Variants in BBS9 observed in about 807,000 individuals in gnomAD.
BBS9 encodes protein PTHB1.
BBS9 carries 89 observed loss-of-function variants against 117.7 expected under a neutral mutation model. The observed-to-expected ratio is 0.76, with a 90% CI of 0.64 to 0.90. BBS9 has a LOEUF of 0.90. Among genes scored for constraint, BBS9 ranks in the 40% least tolerant of loss-of-function variants. The pLI is 0.00. For synonymous variants in BBS9, 379 were observed against 370.9 expected (o/e 1.02, Z -0.25); for missense variants, 982 against 1,042.2 (o/e 0.94, Z 0.80).
At chr7:33,290,572 A>C (rs958986564) in intron 9 of BBS9, among the ~76,000 whole-genome samples, 1 of 152,262 alleles carries the variant, frequency 6.6e-6, no homozygotes, top group South Asian at 2.1e-4. Flanking sequence ...AAAAAGGCAA[A>C]ATTTAGAACT....
intron 5 of BBS9, among the ~76,000 whole-genome samples, chr7:33,215,105 T>G (rs978380038): frequency 3.3e-5 from 5 of 152,198 alleles, no homozygotes; most frequent in Non-Finnish European, 7.3e-5. Flanking sequence ...GGCAGGAGAA[T>G]GGTGTGAACC....
chr7:33,620,261 T>C (rs970852888), intron 21 of BBS9, among the ~76,000 whole-genome samples: 12 of 152,092 alleles, frequency 7.9e-5, no homozygotes, highest in African/African-American at 2.9e-4. Context: ...AACATACAAC[T>C]TACCAAGACT....
At chr7:33,537,997 C>T (rs1012066736) in intron 21 of BBS9, among the ~76,000 whole-genome samples, 1 of 152,114 alleles carries the variant, frequency 6.6e-6, no homozygotes, top group Non-Finnish European at 1.5e-5. Flanking sequence ...GACGGCCCAT[C>T]AGATAGAAGC....
At chr7:33,625,602 A>C (rs181763369) in intron 21 of BBS9, among the ~76,000 whole-genome samples, 9 of 152,198 alleles carry the variant, frequency 5.9e-5, no homozygotes, top group Non-Finnish European at 1.2e-4. Context: ...GCACATTCCT[A>C]AAGTGACTCT....
intron 5 of BBS9, among the ~76,000 whole-genome samples, chr7:33,252,778 G>A (rs550544192): frequency 1.3e-5 from 2 of 151,830 alleles, no homozygotes; most frequent in African/African-American, 4.8e-5. Context: ...CGCAGGTCAA[G>A]GTCATTGCAT....
intron 19 of BBS9, among the ~76,000 whole-genome samples, chr7:33,399,574 A>G (rs1300956990): frequency 1.3e-5 from 2 of 152,138 alleles, no homozygotes. Flanking sequence ...CTTATTTTCC[A>G]GTAAAATTCT....
intron 21 of BBS9, among the ~76,000 whole-genome samples, chr7:33,564,789 A>T (rs1856605923): frequency 6.6e-6 from 1 of 152,196 alleles, no homozygotes; most frequent in South Asian, 2.1e-4. Context: ...GGCATTTGAG[A>T]TTGAAAGCAG....
At chr7:33,584,714 G>A (rs1484144572) in intron 21 of BBS9, among the ~76,000 whole-genome samples, 1 of 151,972 alleles carries the variant, frequency 6.6e-6, no homozygotes, top group Non-Finnish European at 1.5e-5. Flanking sequence ...TACCTTAATG[G>A]ATTTTGCATA....
intron 5 of BBS9, among the ~76,000 whole-genome samples, chr7:33,236,889 T>C (rs890079441): frequency 6.6e-6 from 1 of 152,166 alleles, no homozygotes; most frequent in African/African-American, 2.4e-5. Context: ...TCCAGTCTAA[T>C]TGAAACTTTG....
chr7:33,535,319 CAG>C (rs1851210277), intron 21 of BBS9, among the ~76,000 whole-genome samples: 1 of 152,160 alleles, frequency 6.6e-6, no homozygotes, highest in South Asian at 2.1e-4. Flanking sequence ...ATGCTTGGAA[CAG>C]AGACACTCAA....
intron 5 of BBS9, among the ~76,000 whole-genome samples, chr7:33,194,327 T>G (rs761047476): frequency 1.3e-5 from 2 of 152,170 alleles, no homozygotes; most frequent in African/African-American, 4.8e-5. Context: ...GAGTTTGGTC[T>G]TAGCAGCTTC....
chr7:33,152,735 A>G lies in BBS9; in HGVS notation c.147A>G (p.Leu49=), dbSNP rs751016663. 3 of 1,613,532 alleles carry G rather than the reference A, an allele frequency of 1.9e-6. No homozygotes were observed. Among genetic ancestry groups the G allele is most frequent in the South Asian group, 2.2e-5 (2 of 91,072 alleles). Residue 49 remains leucine (L), a synonymous_variant, in exon 3 of 23, where the codon CTA becomes CTG. Transcript: ENST00000242067. ...KIIVGSFMGY[L]RIFSPHPAKT... ...TTGTGGGTAGCTTTATGGGATACCT[A>G]AGGATCTTTAGCCCCCATCCTGCAA...
intron 19 of BBS9, among the ~76,000 whole-genome samples, chr7:33,394,385 C>G (rs985589277): frequency 6.6e-6 from 1 of 151,890 alleles, no homozygotes. Context: ...GAACAACACA[C>G]ACTGGGGCCT....
At chr7:33,489,646 CA>C (rs1418048712) in intron 19 of BBS9, among the ~76,000 whole-genome samples, 1 of 152,084 alleles carries the variant, frequency 6.6e-6, no homozygotes, top group African/African-American at 2.4e-5. Context: ...TTTTGATCAT[CA>C]AATCATAACT....
intron 17 of BBS9, among the ~76,000 whole-genome samples, chr7:33,373,168 C>T (rs1279704243): frequency 6.6e-6 from 1 of 152,026 alleles, no homozygotes; most frequent in Non-Finnish European, 1.5e-5. Context: ...TTCTCTCTCC[C>T]TCTCAGACAA....
chr7:33,289,970 T>G (rs193008305), intron 9 of BBS9, among the ~76,000 whole-genome samples: 1 of 151,240 alleles, frequency 6.6e-6, no homozygotes, highest in Non-Finnish European at 1.5e-5. Context: ...CACTTGAACC[T>G]GGGAGGCAGA....
chr7:33,229,634 CA>C (rs1791950674), intron 5 of BBS9, among the ~76,000 whole-genome samples: 1 of 151,856 alleles, frequency 6.6e-6, no homozygotes, highest in African/African-American at 2.4e-5. Flanking sequence ...AACTATATAC[CA>C]CAGTTTCTTT....
chr7:33,345,768 C>A (rs184082332), intron 12 of BBS9, among the ~76,000 whole-genome samples: 1 of 152,162 alleles, frequency 6.6e-6, no homozygotes, highest in Non-Finnish European at 1.5e-5. Context: ...TATAGGGACA[C>A]CTCTTTTAAA....
At chr7:33,445,454 A>C (rs1488914485) in intron 19 of BBS9, among the ~76,000 whole-genome samples, 1 of 152,162 alleles carries the variant, frequency 6.6e-6, no homozygotes, top group Non-Finnish European at 1.5e-5. Context: ...ACATCATGGT[A>C]AATATCTACT....
Sources: allele counts gnomAD v4.1 joint callset (sites outside exome capture counted in the v4.1 genomes callset), GRCh38; gene constraint gnomAD v4.1.1; transcripts MANE v1.5; gene names NCBI Gene and HGNC (gene_info 2026-07-23, HGNC 2026-07-21).